The following EVC2 variants were observed in gnomAD, a reference collection of about 807,000 sequenced individuals.
The protein encoded by EVC2 is EvC ciliary complex subunit 2, also known as limbin.
In EVC2, 148 loss-of-function variants were observed where a neutral mutation model predicts 149.3. The observed-to-expected ratio is 0.99, with a 90% CI of 0.87 to 1.14. The LOEUF is 1.14. Among genes scored for constraint, EVC2 ranks in the 50% most tolerant of loss-of-function variants. The pLI, the probability that EVC2 is intolerant of heterozygous loss-of-function variation, is 0.00. For missense variants in EVC2, 1,854 were observed against 1,627.3 expected (o/e 1.14, Z -2.40); for synonymous variants, 776 against 649.9 (o/e 1.19, Z -2.95).
intron 16 of EVC2, among the ~76,000 whole-genome samples, chr4:5,612,252 C>T (rs1187805606): frequency 2.0e-5 from 3 of 152,154 alleles, no homozygotes; most frequent in Non-Finnish European, 4.4e-5. Flanking sequence ...GTGCTGACCC[C>T]ATTTCTCTGC....
At chr4:5,653,989 G>A (rs1333666213) in intron 9 of EVC2, among the ~76,000 whole-genome samples, 3 of 152,160 alleles carry the variant, frequency 2.0e-5, no homozygotes, top group Admixed American at 1.3e-4. Flanking sequence ...CGAGGCAGGC[G>A]GATCACCTGA....
the EVC2 span, among the ~76,000 whole-genome samples, chr4:5,531,099 G>T: frequency 6.6e-6 from 1 of 152,176 alleles, no homozygotes. Context: ...CCTGGAGCAT[G>T]TAGGGGTTCA....
At chr4:5,605,594 C>G (rs1714331197) in intron 16 of EVC2, among the ~76,000 whole-genome samples, 1 of 152,144 alleles carries the variant, frequency 6.6e-6, no homozygotes, top group Non-Finnish European at 1.5e-5. Context: ...TGCTGTGTCT[C>G]CAATCTACTT....
intron 1 of EVC2, among the ~76,000 whole-genome samples, chr4:5,707,839 G>C (rs985118829): frequency 3.3e-5 from 5 of 152,072 alleles, no homozygotes; most frequent in African/African-American, 1.2e-4. Flanking sequence ...TCACCTAAGA[G>C]TCCAGCCAAG....
In EVC2 at chr4:5,628,771, A is replaced by G. The variant is rs773738906; in HGVS notation, c.1711-37T>C. ...AAAAAAAAACAAGAAAATATGCCTAATTAAAATTTAGAGCATAATCTTTCT... is the reference window on the plus strand; with the variant it reads ...AAAAAAAAACAAGAAAATATGCCTAGTTAAAATTTAGAGCATAATCTTTCT... On this transcript the variant is annotated intron_variant, in intron 11 of 21. Coordinates refer to ENST00000344408, the MANE Select transcript of EVC2 (RefSeq NM_147127.5). 6.3e-6 allele frequency: 10 copies of G among 1,582,408 alleles called. No individual in the cohort carries two copies. The South Asian group carries it at 7.9e-5, about 12-fold the overall frequency.
Position 5,565,254 on chromosome 4 carries a change from T to C in EVC2, c.3659+4A>G, listed in dbSNP as rs1395704539. Reference sequence around the variant, plus strand: ...CAGCCACATGAGCAGGTGCCCATCATTACCTCTGCTTTCTCTTGCGGGCCC... The same window carrying C: ...CAGCCACATGAGCAGGTGCCCATCACTACCTCTGCTTTCTCTTGCGGGCCC... On this transcript the variant is annotated splice_donor_region_variant and intron_variant, in intron 21 of 21. Transcript: ENST00000344408. The C allele has an allele frequency of 6.2e-7, 1 of 1,613,448 alleles. No homozygotes were observed. Among genetic ancestry groups the C allele is most frequent in the Non-Finnish European group, 8.5e-7 (1 of 1,179,582 alleles).
chr4:5,687,631 G>T (rs1197554985), intron 5 of EVC2, among the ~76,000 whole-genome samples: 1 of 152,184 alleles, frequency 6.6e-6, no homozygotes, highest in Non-Finnish European at 1.5e-5. Context: ...ACCAGGGCCA[G>T]GTCCCAAAGA....
rs183884578 is a variant in EVC2, at chr4:5,690,520, C to A, written c.519+745G>T. Among the ~76,000 whole-genome samples the A allele has an allele frequency of 1.6e-3, 246 of 151,756 alleles. 1 individual carries two copies. The highest frequency in any genetic ancestry group is 5.4e-3 in the African/African-American group (223 of 41,324). On this transcript the variant is annotated intron_variant, in intron 4 of 21. Transcript: ENST00000344408. Reference sequence around the variant, plus strand: ...TGTACTGAAATGACCTCTGGAGGGGCTAGAGAACGAGTAACTGAGGTCAGT... The same window carrying A: ...TGTACTGAAATGACCTCTGGAGGGGATAGAGAACGAGTAACTGAGGTCAGT...
intron 8 of EVC2, 29 bp from the exon 9 acceptor site, chr4:5,663,275 G>A (rs1433531055): frequency 6.2e-7 from 1 of 1,613,366 alleles, no homozygotes; most frequent in African/African-American, 1.3e-5. Flanking sequence ...AATAATAATT[G>A]ATTGGGCCTT....
intron 16 of EVC2, among the ~76,000 whole-genome samples, chr4:5,609,219 A>G (rs984822992): frequency 6.6e-6 from 1 of 151,990 alleles, no homozygotes; most frequent in Non-Finnish European, 1.5e-5. Context: ...TTACCTCCCT[A>G]TCTATGTATC....
At chr4:5,599,327 G>T (rs1206720804) in intron 16 of EVC2, among the ~76,000 whole-genome samples, 47 of 151,950 alleles carry the variant, frequency 3.1e-4, no homozygotes, top group East Asian at 2.5e-3. Flanking sequence ...AACCCAAATG[G>T]CCAACAATGA....
chr4:5,702,961 C>T (rs1041582370), intron 1 of EVC2, among the ~76,000 whole-genome samples: 5 of 152,052 alleles, frequency 3.3e-5, no homozygotes, highest in Non-Finnish European at 7.4e-5. Flanking sequence ...GAGTATTTAC[C>T]AACAGAGTAA....
chr4:5,588,744 T>C (rs371766190), intron 16 of EVC2, among the ~76,000 whole-genome samples: 5 of 152,336 alleles, frequency 3.3e-5, no homozygotes, highest in African/African-American at 1.2e-4. Context: ...TATAGACATA[T>C]AGATATATCT....
In EVC2 at chr4:5,602,517, G is replaced by A. The variant is rs532526857; in HGVS notation, c.2829+12905C>T. ...TAAATACTGATCTAACTATGGTGGG[G>A]GATGAGGAAAGAGCTGATAAGTGGT... On this transcript the variant is annotated intron_variant, in intron 16 of 21. Coordinates refer to ENST00000344408, the MANE Select transcript of EVC2 (RefSeq NM_147127.5). Among the ~76,000 whole-genome samples the A allele has an allele frequency of 5.2e-4, 79 of 151,866 alleles. 1 individual carries two copies. The highest frequency in any genetic ancestry group is 1.8e-3 in the African/African-American group (75 of 41,408).
At chr4:5,553,848 T>G (rs558062232) in intron 21 of EVC2, among the ~76,000 whole-genome samples, 2 of 152,070 alleles carry the variant, frequency 1.3e-5, no homozygotes, top group East Asian at 3.9e-4. Context: ...CCCAATAATG[T>G]AAAACTGCAA....
At chr4:5,532,428 T>C in the EVC2 span, among the ~76,000 whole-genome samples, 4 of 152,284 alleles carry the variant, frequency 2.6e-5, no homozygotes, top group Admixed American at 2.6e-4. Context: ...CTCTGGGCAC[T>C]ATGGCCCGGC....
At chr4:5,638,310 G>A (rs1255698257) in intron 10 of EVC2, among the ~76,000 whole-genome samples, 2 of 151,978 alleles carry the variant, frequency 1.3e-5, no homozygotes, top group Non-Finnish European at 2.9e-5. Flanking sequence ...AATCACTTGA[G>A]CCCAGGAGGT....
intron 21 of EVC2, among the ~76,000 whole-genome samples, chr4:5,549,949 C>A (rs1721705292): frequency 6.6e-6 from 1 of 152,164 alleles, no homozygotes; most frequent in Admixed American, 6.6e-5. Flanking sequence ...AGTTTGCCTG[C>A]ACAAACTCAT....
intron 8 of EVC2, among the ~76,000 whole-genome samples, chr4:5,663,747 C>A (rs951108776): frequency 6.6e-6 from 1 of 152,074 alleles, no homozygotes; most frequent in African/African-American, 2.4e-5. Context: ...ACGGTGAAAC[C>A]CTGTCTCTAC....
Sources: allele counts gnomAD v4.1 joint callset (sites outside exome capture counted in the v4.1 genomes callset), GRCh38; gene constraint gnomAD v4.1.1; transcripts MANE v1.5; gene names NCBI Gene and HGNC (gene_info 2026-07-23, HGNC 2026-07-21).